The following LDB2 variants were observed in gnomAD, a reference collection of about 807,000 sequenced individuals.
LDB2 encodes LIM domain binding 2.
Under a neutral mutation model 44.3 loss-of-function variants are expected in LDB2, and 12 were observed. The ratio of observed to expected loss-of-function variants is 0.27; its 90% CI spans 0.17 to 0.44. LDB2 has a LOEUF of 0.44. LDB2 is among the 20% of genes least tolerant of loss of function. LDB2 has a pLI of 1.00. For synonymous variants in LDB2, 164 were observed against 174.8 expected (o/e 0.94, Z 0.49); for missense variants, 344 against 473.5 (o/e 0.73, Z 2.54).
intron 1 of LDB2, among the ~76,000 whole-genome samples, chr4:16,797,176 G>A (rs973150629): frequency 6.6e-6 from 1 of 152,144 alleles, no homozygotes; most frequent in Non-Finnish European, 1.5e-5. Context: ...TAGACGAAAA[G>A]GTCAGCCCGC....
intron 5 of LDB2, among the ~76,000 whole-genome samples, chr4:16,538,847 C>T (rs1560405433): frequency 1.3e-5 from 2 of 152,118 alleles, no homozygotes. Context: ...ATCATGACAA[C>T]CCCAAGTAAG....
chr4:16,564,678 C>T (rs879346795), intron 5 of LDB2, among the ~76,000 whole-genome samples: 1 of 152,058 alleles, frequency 6.6e-6, no homozygotes, highest in Non-Finnish European at 1.5e-5. Flanking sequence ...TATTTATTCA[C>T]TGTGTATGTT....
At chr4:16,669,491 A>G (rs149843622) in intron 2 of LDB2, among the ~76,000 whole-genome samples, 2 of 152,328 alleles carry the variant, frequency 1.3e-5, no homozygotes, top group African/African-American at 4.8e-5. Context: ...ATTATTTTCT[A>G]AAAGATAAAT....
intron 5 of LDB2, among the ~76,000 whole-genome samples, chr4:16,536,556 A>G (rs1731939468): frequency 6.6e-6 from 1 of 152,258 alleles, no homozygotes; most frequent in African/African-American, 2.4e-5. Context: ...AAAAGGAGCC[A>G]GCATGTGATG....
chr4:16,637,840 G>C (rs1734034743), intron 2 of LDB2, among the ~76,000 whole-genome samples: 1 of 152,086 alleles, frequency 6.6e-6, no homozygotes, highest in African/African-American at 2.4e-5. Context: ...GCAGATGCTT[G>C]AGATTAGAAG....
chr4:16,544,641 G>T (rs986260941), intron 5 of LDB2, among the ~76,000 whole-genome samples: 4 of 152,122 alleles, frequency 2.6e-5, no homozygotes, highest in African/African-American at 7.2e-5. Context: ...GGGTAGATGG[G>T]GCTGGGAGAT....
At chr4:16,641,507 T>G (rs1047383090) in intron 2 of LDB2, among the ~76,000 whole-genome samples, 2 of 152,024 alleles carry the variant, frequency 1.3e-5, no homozygotes, top group African/African-American at 4.8e-5. Context: ...CTCGGGGGGC[T>G]TTTACTCATG....
intron 1 of LDB2, among the ~76,000 whole-genome samples, chr4:16,868,985 A>G (rs11736406): frequency 0.21 from 32,099 of 151,896 alleles, 4,050 homozygotes; most frequent in South Asian, 0.4. Context: ...GATGAAGATG[A>G]TGACATTATT....
At chr4:16,829,976 G>A (rs1783776139) in intron 1 of LDB2, among the ~76,000 whole-genome samples, 3 of 152,102 alleles carry the variant, frequency 2.0e-5, no homozygotes, top group Admixed American at 1.3e-4. Flanking sequence ...GTGGTGCCGT[G>A]TGCCTGTAAT....
intron 1 of LDB2, among the ~76,000 whole-genome samples, chr4:16,839,108 T>C (rs1785400131): frequency 1.3e-5 from 2 of 152,224 alleles, no homozygotes; most frequent in African/African-American, 4.8e-5. Flanking sequence ...TTCTAGACAC[T>C]TAATATACAA....
intron 5 of LDB2, among the ~76,000 whole-genome samples, chr4:16,537,232 A>G (rs1413578682): frequency 2.0e-5 from 3 of 152,198 alleles, no homozygotes; most frequent in African/African-American, 4.8e-5. Context: ...AAACTATGGG[A>G]GAGTTTGACA....
At chr4:16,577,965 A>G (rs1431517131) in intron 5 of LDB2, among the ~76,000 whole-genome samples, 2 of 152,260 alleles carry the variant, frequency 1.3e-5, no homozygotes, top group Non-Finnish European at 2.9e-5. Context: ...CATTCAGGAA[A>G]GTACAGCCTA....
intron 5 of LDB2, among the ~76,000 whole-genome samples, chr4:16,519,914 C>T (rs1197707085): frequency 6.6e-6 from 1 of 151,954 alleles, no homozygotes; most frequent in Non-Finnish European, 1.5e-5. Context: ...GCCAGGCGCT[C>T]AATGTATTAT....
At chr4:16,813,148 G>C (rs952798917) in intron 1 of LDB2, among the ~76,000 whole-genome samples, 4 of 152,114 alleles carry the variant, frequency 2.6e-5, no homozygotes, top group African/African-American at 9.6e-5. Flanking sequence ...ACCATGCCTG[G>C]CTAATTTTTG....
intron 1 of LDB2, among the ~76,000 whole-genome samples, chr4:16,880,260 A>G (rs1372105103): frequency 6.6e-6 from 1 of 152,190 alleles, no homozygotes. Flanking sequence ...GTTCTGGGTG[A>G]CTAAATTAAA....
chr4:16,812,631 ATG>A lies in LDB2; in HGVS notation c.133-53373_133-53372del, dbSNP rs5856389. 2.1e-3 allele frequency among the ~76,000 whole-genome samples: 264 copies of A among 126,012 alleles called. 1 individual carries two copies. Among genetic ancestry groups the A allele is most frequent in the South Asian group, 4.9e-3 (18 of 3,684 alleles). The allele number at this position is 126,012 out of a possible 152,430, so 82.7% of individuals were successfully genotyped here. A position where few individuals can be genotyped will look rare whatever the true frequency, so the allele number is the denominator to read the frequency against. ...ATATATATATCTGTGTATTAAATAT[ATG>A]TGTGTGTGTGTGTGTGTGTGTGTGT... On this transcript the variant is annotated intron_variant, in intron 1 of 7. Transcript: ENST00000304523.
At chr4:16,797,126 C>G (rs1487151963) in intron 1 of LDB2, among the ~76,000 whole-genome samples, 1 of 151,998 alleles carries the variant, frequency 6.6e-6, no homozygotes, top group Admixed American at 6.6e-5. Context: ...CTGCATTGAC[C>G]AAAATCCTCA....
chr4:16,767,691 AAC>A (rs1769666363), intron 1 of LDB2, among the ~76,000 whole-genome samples: 1 of 152,238 alleles, frequency 6.6e-6, no homozygotes, highest in Non-Finnish European at 1.5e-5. Context: ...ACTCAGCCTG[AAC>A]ACAGACAGGG....
intron 5 of LDB2, among the ~76,000 whole-genome samples, chr4:16,535,988 C>G (rs1731700706): frequency 6.6e-6 from 1 of 152,180 alleles, no homozygotes; most frequent in African/African-American, 2.4e-5. Context: ...AAATAAGCCT[C>G]AAGGTGTTAT....
Sources: allele counts gnomAD v4.1 joint callset (sites outside exome capture counted in the v4.1 genomes callset), GRCh38; gene constraint gnomAD v4.1.1; transcripts MANE v1.5; gene names NCBI Gene and HGNC (gene_info 2026-07-23, HGNC 2026-07-21).